NCOR1: variants seen among roughly 807,000 people sequenced by gnomAD.
NCOR1 encodes the protein protein phosphatase 1, regulatory subunit 109.
Under a neutral mutation model 288.1 loss-of-function variants are expected in NCOR1, and 63 were observed. That is an observed-to-expected ratio of 0.22 (90% CI 0.18 to 0.27). NCOR1 has a LOEUF of 0.27. Among genes scored for constraint, NCOR1 ranks in the 10% least tolerant of loss-of-function variants. NCOR1 has a pLI of 1.00. For synonymous variants in NCOR1, 1,007 were observed against 1,065.9 expected (o/e 0.94, Z 1.08); for missense variants, 2,397 against 3,019.2 (o/e 0.79, Z 4.83).
At chr17:16,072,737 G>A (rs547162993) in intron 28 of NCOR1, among the ~76,000 whole-genome samples, 1 of 152,328 alleles carries the variant, frequency 6.6e-6, no homozygotes, top group South Asian at 2.1e-4. Context: ...TACAGTAAAA[G>A]TGTGTGTTTT....
chr17:16,183,255 A>C (rs1359335059), intron 3 of NCOR1, among the ~76,000 whole-genome samples: 1 of 151,034 alleles, frequency 6.6e-6, no homozygotes, highest in African/African-American at 2.4e-5. Context: ...AGAAAAGAAA[A>C]AAAAGAAAAG....
At chr17:16,105,450 G>A (rs1286024483) in intron 19 of NCOR1, among the ~76,000 whole-genome samples, 2 of 152,032 alleles carry the variant, frequency 1.3e-5, no homozygotes, top group Non-Finnish European at 2.9e-5. Context: ...ACAAAAAGAA[G>A]CAAGAGACTA....
chr17:16,215,185 T>A (rs1300229474), intron 1 of NCOR1, among the ~76,000 whole-genome samples, 177 bp downstream of exon 1: 1 of 152,098 alleles, frequency 6.6e-6, no homozygotes, highest in Non-Finnish European at 1.5e-5. Flanking sequence ...GGCTCTCTCC[T>A]GGGCTGCCGA....
intron 11 of NCOR1, among the ~76,000 whole-genome samples, chr17:16,140,774 A>G (rs911704838): frequency 6.6e-6 from 1 of 152,074 alleles, no homozygotes; most frequent in African/African-American, 2.4e-5. Flanking sequence ...AGATCGTGCC[A>G]CTGCATTCCA....
Position 16,143,675 on chromosome 17 carries a change from A to C in NCOR1, c.1104T>G (p.Gly368=), listed in dbSNP as rs781080461. ...CACTCCTAGCAATGGTGGCTGAAAG[A>C]CCAGCTCCCCTCTGCCCAACTCTAA... ...RFQRVGQRGA[G]LSATIARSEH... is the part of the protein sequence containing the mutation. The change falls in exon 11 of 46, where the codon GGT becomes GGG. Residue 368 remains glycine (G), a synonymous_variant. Coordinates refer to ENST00000268712, the MANE Select transcript of NCOR1 (RefSeq NM_006311.4). 1 of 1,613,894 alleles carries C rather than the reference A, an allele frequency of 6.2e-7. No homozygotes were observed. Among genetic ancestry groups the C allele is most frequent in the Admixed American group, 1.7e-5 (1 of 60,018 alleles).
At chr17:16,186,013 A>C (rs1207450827) in intron 3 of NCOR1, among the ~76,000 whole-genome samples, 2 of 152,124 alleles carry the variant, frequency 1.3e-5, no homozygotes, top group Non-Finnish European at 2.9e-5. Context: ...TGGTAAGGAC[A>C]CTCAGGAAAA....
intron 1 of NCOR1, among the ~76,000 whole-genome samples, chr17:16,206,027 G>A (rs2153600582): frequency 6.6e-6 from 1 of 150,582 alleles, no homozygotes; most frequent in East Asian, 1.9e-4. Context: ...AGGCCAATCA[G>A]AATCACATTT....
chr17:16,170,307 G>T (rs76306602), intron 4 of NCOR1, among the ~76,000 whole-genome samples: 2 of 152,034 alleles, frequency 1.3e-5, no homozygotes, highest in East Asian at 1.9e-4. Context: ...ACAGAAAAAA[G>T]ATTTGATGGC....
At chr17:16,199,216 A>AAAAAAAACACAC (rs1337668798) in intron 1 of NCOR1, among the ~76,000 whole-genome samples, 1 of 122,320 alleles carries the variant, frequency 8.2e-6, no homozygotes, top group Admixed American at 8.6e-5. Flanking sequence ...AAAAAAAAAA[A>AAAAAAAACACAC]ACACACACAC....
intron 2 of NCOR1, among the ~76,000 whole-genome samples, chr17:16,191,080 T>TA (rs1162746260): frequency 6.6e-6 from 1 of 152,218 alleles, no homozygotes; most frequent in East Asian, 1.9e-4. Context: ...TGGGATCCCT[T>TA]AAGCCTATGC....
At chr17:16,066,592 G>A (rs187202334) in intron 32 of NCOR1, among the ~76,000 whole-genome samples, 69 of 152,248 alleles carry the variant, frequency 4.5e-4, no homozygotes, top group African/African-American at 1.6e-3. Context: ...ATATGTATAT[G>A]TTCTCCCTAG....
intron 1 of NCOR1, among the ~76,000 whole-genome samples, chr17:16,214,242 G>A (rs1169170319): frequency 6.6e-6 from 1 of 152,118 alleles, no homozygotes; most frequent in Non-Finnish European, 1.5e-5. Flanking sequence ...ATTTTAAAAA[G>A]CTATTAAAAA....
chr17:16,143,863 T>C (rs950784738), intron 10 of NCOR1, among the ~76,000 whole-genome samples, 167 bp from the exon 11 acceptor site: 6 of 117,212 alleles, frequency 5.1e-5, no homozygotes, highest in African/African-American at 1.7e-4. Flanking sequence ...CTGTGTCACC[T>C]ATTAATAACA....
chr17:16,073,395 G>GTT, intron 28 of NCOR1, 34 bp downstream of exon 28: 1 of 1,516,604 alleles, frequency 6.6e-7, no homozygotes, highest in Non-Finnish European at 8.8e-7. Context: ...AAAATAACAT[G>GTT]TATCAAAATA....
intron 26 of NCOR1, among the ~76,000 whole-genome samples, chr17:16,079,373 A>C (rs1176059137): frequency 6.6e-6 from 1 of 152,234 alleles, no homozygotes; most frequent in Non-Finnish European, 1.5e-5. Context: ...TGATTTCCCA[A>C]AACAGAATTT....
chr17:16,086,285 T>C lies in NCOR1; in HGVS notation c.3174A>G (p.Ser1058=), dbSNP rs762901495. ...CTGTAAAGAGAAGTCGTTTCACCTGTGAGATGGAGCCTCCCATTATAAAAG... is the reference window on the plus strand; with the variant it reads ...CTGTAAAGAGAAGTCGTTTCACCTGCGAGATGGAGCCTCCCATTATAAAAG... The part of the protein sequence containing the change: ...KPSFIMGGSI[S]QGTPGTYLTS... Residue 1058 remains serine (S), a synonymous_variant, in exon 23 of 46, where the codon TCA becomes TCG. Coordinates refer to ENST00000268712, the MANE Select transcript of NCOR1 (RefSeq NM_006311.4). The C allele has an allele frequency of 6.2e-7, 1 of 1,613,628 alleles. No individual in the cohort carries two copies. The highest frequency in any genetic ancestry group is 2.2e-5 in the East Asian group (1 of 44,886).
At chr17:16,174,167 T>C in intron 3 of NCOR1, among the ~76,000 whole-genome samples, 1 of 152,232 alleles carries the variant, frequency 6.6e-6, no homozygotes, top group East Asian at 1.9e-4. Flanking sequence ...CAAATGCCAT[T>C]GGCTTTTTTG....
chr17:16,158,836 G>A lies in NCOR1; in HGVS notation c.656C>T (p.Pro219Leu). ...LEEEAAKPPE[P>L]EKPVSPPPVE... ...AGGAGGAGGGGACACGGGCTTCTCA[G>A]GCTCAGGAGGTTTAGCTGCCTCTTC... The change falls in exon 6 of 46, where the codon CCT (proline) becomes CTT (leucine). Residue 219 changes from proline (P) to leucine (L), a missense_variant. Physicochemically the swap from Pro to Leu is moderately conservative, Grantham distance 98. Transcript: ENST00000268712. The A allele has an allele frequency of 1.2e-5, 20 of 1,614,076 alleles. No individual in the cohort carries two copies. Among genetic ancestry groups the A allele is most frequent in the Non-Finnish European group, 1.7e-5 (20 of 1,180,008 alleles).
At chr17:16,064,834 G>T (rs1333086765) in intron 34 of NCOR1, 36 bp downstream of exon 34, 2 of 1,511,034 alleles carry the variant, frequency 1.3e-6, no homozygotes, top group Non-Finnish European at 1.8e-6. Flanking sequence ...AAACATGATG[G>T]TTCTATTAGA....
Sources: allele counts gnomAD v4.1 joint callset (sites outside exome capture counted in the v4.1 genomes callset), GRCh38; gene constraint gnomAD v4.1.1; transcripts MANE v1.5; gene names NCBI Gene and HGNC (gene_info 2026-07-23, HGNC 2026-07-21).